The following INIP variants were observed in gnomAD, a reference collection of about 807,000 sequenced individuals.
The protein encoded by INIP is INTS3 and NABP interacting protein.
Under a neutral mutation model 14.0 loss-of-function variants are expected in INIP, and 9 were observed. The ratio of observed to expected loss-of-function variants is 0.64; its 90% CI spans 0.39 to 1.12. The LOEUF is 1.12. Ranked by LOEUF, INIP falls within the 50% of genes most tolerant of loss-of-function variation. INIP has a pLI of 0.01. For missense variants in INIP, 78 were observed against 122.7 expected (o/e 0.64, Z 1.72); for synonymous variants, 37 against 41.5 (o/e 0.89, Z 0.41).
intron 2 of INIP, among the ~76,000 whole-genome samples, chr9:112,714,785 TAAC>T (rs1319759608): frequency 6.6e-6 from 1 of 152,224 alleles, no homozygotes; most frequent in Admixed American, 6.5e-5. Flanking sequence ...ATATGTTGCT[TAAC>T]AACAGGGATA....
rs1048795718 is a variant in INIP at position 112,686,976 on chromosome 9, G to C, written c.*562C>G. 1 of 152,250 alleles carries C rather than the reference G, an allele frequency of 6.6e-6. No individual in the cohort carries two copies. The highest frequency in any genetic ancestry group is 1.5e-5 in the Non-Finnish European group (1 of 68,100). 9.4% of individuals were successfully genotyped at this position (152,250 alleles called of 1,614,324 possible). On this transcript the variant is annotated 3_prime_UTR_variant, in exon 5 of 5. Transcript: ENST00000374242. ...TGTTTATAAAAGATGGTTAAGACTG[G>C]TTAGTAATTTATTCTTGAGGTTTGT...
chr9:112,699,418 G>C (rs1337417554), intron 2 of INIP, among the ~76,000 whole-genome samples: 1 of 152,092 alleles, frequency 6.6e-6, no homozygotes, highest in Non-Finnish European at 1.5e-5. Flanking sequence ...GCTACCTGTG[G>C]TCAACCACAG....
rs549988063 is a variant in INIP at position 112,686,560 on chromosome 9, C to G, written c.*978G>C. The G allele has an allele frequency of 6.6e-6, 1 of 152,152 alleles. No individual in the cohort carries two copies. Among genetic ancestry groups the G allele is most frequent in the African/African-American group, 2.4e-5 (1 of 41,420 alleles). 9.4% of individuals were successfully genotyped at this position (152,152 alleles called of 1,614,324 possible). ...CACCCAGGCTGGAGTGCAGTGACACCGTCTCAGCTCACTGCAACCCCTGCC... is the reference window on the plus strand; with the variant it reads ...CACCCAGGCTGGAGTGCAGTGACACGGTCTCAGCTCACTGCAACCCCTGCC... On this transcript the variant is annotated 3_prime_UTR_variant, in exon 5 of 5. Coordinates refer to ENST00000374242, the MANE Select transcript of INIP (RefSeq NM_021218.3).
chr9:112,699,194 A>G (rs958308579), intron 2 of INIP, among the ~76,000 whole-genome samples: 4 of 151,872 alleles, frequency 2.6e-5, no homozygotes, highest in African/African-American at 4.8e-5. Context: ...GTGGTGCTAC[A>G]TGCCTGTAGT....
At chr9:112,698,221 T>G (rs1397646388) in intron 2 of INIP, among the ~76,000 whole-genome samples, 1 of 149,296 alleles carries the variant, frequency 6.7e-6, no homozygotes, top group African/African-American at 2.5e-5. Flanking sequence ...GGAGAATTGC[T>G]TGAACCTTGG....
intron 4 of INIP, among the ~76,000 whole-genome samples, chr9:112,688,987 A>T (rs1283445598): frequency 6.6e-6 from 1 of 152,222 alleles, no homozygotes; most frequent in African/African-American, 2.4e-5. Flanking sequence ...ATCTTAAATT[A>T]TTCAAGATGA....
At position 112,684,990 on chromosome 9, in the gene INIP, C is replaced by T. The variant is rs1358660610; in HGVS notation, c.*2548G>A. 2 of 152,334 alleles carry T rather than the reference C, an allele frequency of 1.3e-5. No individual in the cohort carries two copies. The highest frequency in any genetic ancestry group is 2.9e-5 in the Non-Finnish European group (2 of 68,134). 9.4% of individuals were successfully genotyped at this position (152,334 alleles called of 1,614,324 possible). A position where few individuals can be genotyped will look rare whatever the true frequency, so the allele number is the denominator to read the frequency against. Reference sequence around the variant, plus strand: ...TGCTCTGCACGTGGAGCAGCTCTTCCTTCCCTTGTCAGGTAAAAATCACAT... The same window carrying T: ...TGCTCTGCACGTGGAGCAGCTCTTCTTTCCCTTGTCAGGTAAAAATCACAT... On this transcript the variant is annotated 3_prime_UTR_variant, in exon 5 of 5. Transcript: ENST00000374242.
intron 3 of INIP, 133 bp downstream of exon 3, chr9:112,693,998 C>G (rs1413597482): frequency 4.1e-6 from 2 of 488,984 alleles, no homozygotes; most frequent in Non-Finnish European, 7.1e-6. Flanking sequence ...TCGCTAGAAC[C>G]CGGGAGGCGG....
At chr9:112,708,442 G>A (rs937849230) in intron 2 of INIP, among the ~76,000 whole-genome samples, 4 of 152,084 alleles carry the variant, frequency 2.6e-5, no homozygotes, top group Admixed American at 1.3e-4. Flanking sequence ...AGATACAAAC[G>A]GATCCAATAG....
rs778841743 is a variant in INIP, at chr9:112,704,326, G to A, written c.26-10093C>T. On this transcript the variant is annotated intron_variant, in intron 2 of 4. Coordinates refer to ENST00000374242, the MANE Select transcript of INIP (RefSeq NM_021218.3). ...TCCTAGAGAGCTCACAGTACAGACC[G>A]GAACCCTGATTGCTCAGGAAAGGAA... is the stretch of plus-strand genomic sequence containing the variant. 7.2e-5 allele frequency among the ~76,000 whole-genome samples: 11 copies of A among 152,222 alleles called. No homozygotes were observed. In the South Asian group the frequency reaches 1.7e-3, roughly 23 times the overall value.
At chr9:112,703,905 G>A (rs1460235614) in intron 2 of INIP, among the ~76,000 whole-genome samples, 1 of 152,138 alleles carries the variant, frequency 6.6e-6, no homozygotes, top group Non-Finnish European at 1.5e-5. Context: ...ATAATGAGAT[G>A]CAAAAGGGAA....
rs1168763555 is a variant in INIP at position 112,684,491 on chromosome 9, G to T, written c.*3047C>A. The stretch of plus-strand genomic sequence containing the variant: ...TTGCTTGAGCCCAGGGATTCAAGGA[G>T]TCTTGCAGTGAGCTATGATTATACC... On this transcript the variant is annotated 3_prime_UTR_variant, in exon 5 of 5. Transcript: ENST00000374242. 6.6e-6 allele frequency: 1 copy of T among 152,152 alleles called. No individual in the cohort carries two copies. Among genetic ancestry groups the T allele is most frequent in the Non-Finnish European group, 1.5e-5 (1 of 68,072 alleles). The allele number at this position is 152,152 out of a possible 1,614,324, so 9.4% of individuals were successfully genotyped here.
chr9:112,691,244 T>C (rs752596443), intron 3 of INIP, among the ~76,000 whole-genome samples: 1 of 152,162 alleles, frequency 6.6e-6, no homozygotes, highest in Non-Finnish European at 1.5e-5. Flanking sequence ...CACAAGAGAA[T>C]GGTGAATGCT....
At chr9:112,702,957 ATTGT>A (rs1564234366) in intron 2 of INIP, among the ~76,000 whole-genome samples, 1 of 152,170 alleles carries the variant, frequency 6.6e-6, no homozygotes, top group African/African-American at 2.4e-5. Context: ...TTGATTCAAT[ATTGT>A]TTGTATGAAT....
At chr9:112,697,224 T>C (rs1022615642) in intron 2 of INIP, among the ~76,000 whole-genome samples, 1 of 152,080 alleles carries the variant, frequency 6.6e-6, no homozygotes, top group Non-Finnish European at 1.5e-5. Context: ...AGGACAAATA[T>C]CAGAGCAAGG....
At chr9:112,694,649 C>T (rs1420858752) in intron 2 of INIP, among the ~76,000 whole-genome samples, 1 of 152,144 alleles carries the variant, frequency 6.6e-6, no homozygotes, top group Non-Finnish European at 1.5e-5. Context: ...TGTTCTTAGT[C>T]TTCTATTTGA....
chr9:112,701,876 C>G (rs1838309902), intron 2 of INIP: 1 of 150,528 alleles, frequency 6.6e-6, no homozygotes, highest in African/African-American at 2.4e-5. Context: ...ACAGCGAGAC[C>G]TTGTCTGTAC....
intron 2 of INIP, among the ~76,000 whole-genome samples, chr9:112,695,255 G>GAAAAAAAAAAAAAAAAAA (rs60657759): frequency 1.5e-5 from 1 of 64,698 alleles, no homozygotes; most frequent in Non-Finnish European, 3.0e-5. Context: ...CAGAACTACA[G>GAAAAAAAAAAAAAAAAAA]AAAAAAAAAA....
Position 112,687,325 on chromosome 9 carries a change from A to G in INIP, c.*213T>C. ...ATTACAAAAAAGTTACAGTCACGGT[A>G]CATAATCAATTCCTTGGACGATACA... On this transcript the variant is annotated 3_prime_UTR_variant, in exon 5 of 5. Coordinates refer to ENST00000374242, the MANE Select transcript of INIP (RefSeq NM_021218.3). The G allele has an allele frequency of 2.2e-6, 1 of 450,118 alleles. No homozygotes were observed. The highest frequency in any genetic ancestry group is 4.0e-6 in the Non-Finnish European group (1 of 247,052). 27.9% of individuals were successfully genotyped at this position (450,118 alleles called of 1,614,324 possible).
Sources: allele counts gnomAD v4.1 joint callset (sites outside exome capture counted in the v4.1 genomes callset), GRCh38; gene constraint gnomAD v4.1.1; transcripts MANE v1.5; gene names NCBI Gene and HGNC (gene_info 2026-07-23, HGNC 2026-07-21).